Variants in GDF11 observed in about 807,000 individuals in gnomAD.
The protein encoded by GDF11 is growth differentiation factor 11.
Under a neutral mutation model 34.4 loss-of-function variants are expected in GDF11, and 12 were observed. The observed-to-expected ratio is 0.35, with a 90% CI of 0.22 to 0.57. The LOEUF is 0.57. GDF11 is among the 20% of genes least tolerant of loss of function. GDF11 has a pLI of 0.86. For missense variants in GDF11, 346 were observed against 548.2 expected (o/e 0.63, Z 3.68); for synonymous variants, 212 against 231.1 (o/e 0.92, Z 0.75).
chr12:55,755,692 T>C lies in GDF11; in HGVS notation c.*5810T>C, dbSNP rs1878485238. 6.6e-6 allele frequency: 1 copy of C among 152,058 alleles called. No homozygotes were observed. The allele number at this position is 152,058 out of a possible 1,614,324, so 9.4% of individuals were successfully genotyped here. A position where few individuals can be genotyped will look rare whatever the true frequency, so the allele number is the denominator to read the frequency against. ...TCAAAGAGTATGTGGAGAATGACTA[T>C]AATGAGATAGGAAGGGGAGGACTTC... On this transcript the variant is annotated 3_prime_UTR_variant, in exon 3 of 3. Coordinates refer to ENST00000257868, the MANE Select transcript of GDF11 (RefSeq NM_005811.5).
chr12:55,749,933 G>C lies in GDF11; in HGVS notation c.*51G>C. ...CACAGACCCTACCCCAAGACCCCTA[G>C]CCCTGCCCCCATCCCCCCAAGCCCT... On this transcript the variant is annotated 3_prime_UTR_variant, in exon 3 of 3. Coordinates refer to ENST00000257868, the MANE Select transcript of GDF11 (RefSeq NM_005811.5). This position sits in a 1 kb window ranked among gnomAD's most constrained non-coding sequence, Gnocchi z 5.6. The C allele has an allele frequency of 1.3e-6, 2 of 1,493,534 alleles. No individual in the cohort carries two copies. Among genetic ancestry groups the C allele is most frequent in the Non-Finnish European group, 1.8e-6 (2 of 1,094,936 alleles). 92.5% of individuals were successfully genotyped at this position (1,493,534 alleles called of 1,614,324 possible). A position where few individuals can be genotyped will look rare whatever the true frequency, so the allele number is the denominator to read the frequency against.
chr12:55,749,978 C>CCGCGAACATCA lies in GDF11; in HGVS notation c.*98_*108dup, dbSNP rs1878270433. On this transcript the variant is annotated 3_prime_UTR_variant, in exon 3 of 3. Coordinates refer to ENST00000257868, the MANE Select transcript of GDF11 (RefSeq NM_005811.5). This position sits in a 1 kb window ranked among gnomAD's most constrained non-coding sequence, Gnocchi z 5.6. ...AGCCCTAGAGCTCCCTCCACTCTTC[C>CCGCGAACATCA]CGCGAACATCACACCGTTCCCCGAC... 1 of 1,043,350 alleles carries CCGCGAACATCA rather than the reference C, an allele frequency of 9.6e-7. No homozygotes were observed. The highest frequency in any genetic ancestry group is 1.5e-5 in the South Asian group (1 of 66,186). 64.6% of individuals were successfully genotyped at this position (1,043,350 alleles called of 1,614,324 possible).
rs77827308 is a variant in GDF11, at chr12:55,749,720, G to A, written c.1062G>A (p.Pro354=). 29 of 1,613,902 alleles carry A rather than the reference G, an allele frequency of 1.8e-5. No individual in the cohort carries two copies. The highest frequency in any genetic ancestry group is 6.7e-5 in the Admixed American group (4 of 59,992). The change falls in exon 3 of 3, where the codon CCG becomes CCA. Residue 354 remains proline, a synonymous_variant. Transcript: ENST00000257868. The surrounding 1 kb of genome is among the most constrained non-coding windows in gnomAD (Gnocchi z 5.6). ...AGTACATGTTCATGCAAAAATATCCGCATACCCATTTGGTGCAGCAGGCCA... is the reference window on the plus strand; with the variant it reads ...AGTACATGTTCATGCAAAAATATCCACATACCCATTTGGTGCAGCAGGCCA... The part of the protein sequence containing the change: ...QCEYMFMQKY[P]HTHLVQQANP...
chr12:55,747,820 A>G (rs573108821), intron 1 of GDF11, among the ~76,000 whole-genome samples: 2 of 152,290 alleles, frequency 1.3e-5, no homozygotes, highest in Non-Finnish European at 2.9e-5. Flanking sequence ...GGTGTATTTA[A>G]TATTATTTCT....
Position 55,748,650 on chromosome 12 carries a change from G to A in GDF11, c.510G>A (p.Val170=), listed in dbSNP as rs1288988051. The A allele has an allele frequency of 6.2e-7, 1 of 1,614,226 alleles. No homozygotes were observed. Among genetic ancestry groups the A allele is most frequent in the Non-Finnish European group, 8.5e-7 (1 of 1,180,030 alleles). The change falls in exon 2 of 3, where the codon GTG becomes GTA. Residue 170 remains valine (V), a synonymous_variant. Coordinates refer to ENST00000257868, the MANE Select transcript of GDF11 (RefSeq NM_005811.5). This position sits in a 1 kb window ranked among gnomAD's most constrained non-coding sequence, Gnocchi z 5.6. ...GCCATTTTCACTTCAGCCCCAAGGT[G>A]ATGTTCACAAAGGTACTGAAGGCCC... The part of the protein sequence containing the change: ...LCCHFHFSPK[V]MFTKVLKAQL...
intron 1 of GDF11, among the ~76,000 whole-genome samples, chr12:55,746,572 A>C (rs1341894008): frequency 6.6e-6 from 1 of 152,118 alleles, no homozygotes; most frequent in Non-Finnish European, 1.5e-5. Flanking sequence ...TCCCCTGTCC[A>C]CTGGGACAAG....
intron 1 of GDF11, among the ~76,000 whole-genome samples, chr12:55,745,230 G>A (rs1878155681): frequency 1.3e-5 from 2 of 152,140 alleles, no homozygotes; most frequent in African/African-American, 4.8e-5. Flanking sequence ...AGAGGGAAAA[G>A]ATACTCTAGT....
rs1878477439 is a variant in GDF11, at chr12:55,755,464, G to A, written c.*5582G>A. ...TCCCTCATTAAGAGCTTCCAGGTAT[G>A]CAGAGAATGTCACAGCTTCAGGAAT... On this transcript the variant is annotated 3_prime_UTR_variant, in exon 3 of 3. Coordinates refer to ENST00000257868, the MANE Select transcript of GDF11 (RefSeq NM_005811.5). 1 of 152,202 alleles carries A rather than the reference G, an allele frequency of 6.6e-6. No individual in the cohort carries two copies. Among genetic ancestry groups the A allele is most frequent in the Non-Finnish European group, 1.5e-5 (1 of 68,048 alleles). 9.4% of individuals were successfully genotyped at this position (152,202 alleles called of 1,614,324 possible).
Position 55,753,243 on chromosome 12 carries a change from A to G in GDF11, c.*3361A>G, listed in dbSNP as rs1293627515. 1.3e-5 allele frequency: 2 copies of G among 152,232 alleles called. No individual in the cohort carries two copies. The highest frequency in any genetic ancestry group is 2.9e-5 in the Non-Finnish European group (2 of 68,048). The allele number at this position is 152,232 out of a possible 1,614,324, so 9.4% of individuals were successfully genotyped here. A position where few individuals can be genotyped will look rare whatever the true frequency, so the allele number is the denominator to read the frequency against. ...AAGGTTCTCTTGAGATGATCCAGCT[A>G]GTGTCCTATTCTCCTGCAGTCCCTG... On this transcript the variant is annotated 3_prime_UTR_variant, in exon 3 of 3. Coordinates refer to ENST00000257868, the MANE Select transcript of GDF11 (RefSeq NM_005811.5).
chr12:55,755,044 G>GATTT lies in GDF11; in HGVS notation c.*5163_*5164insTTTA, dbSNP rs1235299763. On this transcript the variant is annotated 3_prime_UTR_variant, in exon 3 of 3. Transcript: ENST00000257868. ...TGTAATTTTAAATCCCTTTGGAAGG[G>GATTT]AAAAACAAGAAAAGTCTAGATATGG... 2.6e-5 allele frequency: 4 copies of GATTT among 152,166 alleles called. No homozygotes were observed. The highest frequency in any genetic ancestry group is 9.7e-5 in the African/African-American group (4 of 41,430). The allele number at this position is 152,166 out of a possible 1,614,324, so 9.4% of individuals were successfully genotyped here.
At position 55,753,061 on chromosome 12, in the gene GDF11, G is replaced by A. The variant is rs1466617727; in HGVS notation, c.*3179G>A. On this transcript the variant is annotated 3_prime_UTR_variant, in exon 3 of 3. Transcript: ENST00000257868. ...TGGGACATGCAGGCCAAGGAAGGATGGAAAGAGGACAGGAAACTGGGGGTA... is the reference window on the plus strand; with the variant it reads ...TGGGACATGCAGGCCAAGGAAGGATAGAAAGAGGACAGGAAACTGGGGGTA... The A allele has an allele frequency of 6.6e-6, 1 of 152,154 alleles. No individual in the cohort carries two copies. Among genetic ancestry groups the A allele is most frequent in the Non-Finnish European group, 1.5e-5 (1 of 68,054 alleles). The allele number at this position is 152,154 out of a possible 1,614,324, so 9.4% of individuals were successfully genotyped here. A position where few individuals can be genotyped will look rare whatever the true frequency, so the allele number is the denominator to read the frequency against.
rs1878438374 is a variant in GDF11 at position 55,754,433 on chromosome 12, T to C, written c.*4551T>C. ...AGGCAGTGGCATCTACAGCTTCTGG[T>C]CTGTAGTGGCGTAGAAGCAGGAAAA... On this transcript the variant is annotated 3_prime_UTR_variant, in exon 3 of 3. Transcript: ENST00000257868. 2 of 152,168 alleles carry C rather than the reference T, an allele frequency of 1.3e-5. No homozygotes were observed. Among genetic ancestry groups the C allele is most frequent in the Admixed American group, 1.3e-4 (2 of 15,278 alleles). 9.4% of individuals were successfully genotyped at this position (152,168 alleles called of 1,614,324 possible).
At position 55,743,123 on chromosome 12, in the gene GDF11, GCCGCCCGCCCCGGCCGC is replaced by G. The variant is rs934777095; in HGVS notation, c.-181_-165del. On this transcript the variant is annotated 5_prime_UTR_variant, in exon 1 of 3. Coordinates refer to ENST00000257868, the MANE Select transcript of GDF11 (RefSeq NM_005811.5). ...CCTGGCCCGGGCTCGGGCCCCCCCA[GCCGCCCGCCCCGGCCGC>G]CCGCCCGCCCCGCCCGCGCGCCCGC... Among the ~76,000 whole-genome samples the G allele has an allele frequency of 4.5e-5, 5 of 112,218 alleles. No homozygotes were observed. The highest frequency in any genetic ancestry group is 9.0e-5 in the Admixed American group (1 of 11,092). The allele number at this position is 112,218 out of a possible 152,430, so 73.6% of individuals were successfully genotyped here.
intron 1 of GDF11, among the ~76,000 whole-genome samples, chr12:55,745,489 C>T (rs1878161664): frequency 1.3e-5 from 2 of 151,276 alleles, no homozygotes; most frequent in Non-Finnish European, 2.9e-5. Flanking sequence ...TCCCGTGCCA[C>T]CCCAGGACTT....
In GDF11 at chr12:55,752,178, G is replaced by A. The variant is rs1878342230; in HGVS notation, c.*2296G>A. The A allele has an allele frequency of 6.6e-6, 1 of 152,178 alleles. No homozygotes were observed. Among genetic ancestry groups the A allele is most frequent in the African/African-American group, 2.4e-5 (1 of 41,410 alleles). The allele number at this position is 152,178 out of a possible 1,614,324, so 9.4% of individuals were successfully genotyped here. A position where few individuals can be genotyped will look rare whatever the true frequency, so the allele number is the denominator to read the frequency against. The stretch of plus-strand genomic sequence containing the variant: ...ACCACTCACATTTCCTTGGTGGAAG[G>A]AAAGGAACAGAGAAGTGAAGAACAG... On this transcript the variant is annotated 3_prime_UTR_variant, in exon 3 of 3. Coordinates refer to ENST00000257868, the MANE Select transcript of GDF11 (RefSeq NM_005811.5).
chr12:55,752,059 A>G lies in GDF11; in HGVS notation c.*2177A>G, dbSNP rs1878337655. The G allele has an allele frequency of 6.6e-6, 1 of 152,172 alleles. No individual in the cohort carries two copies. Among genetic ancestry groups the G allele is most frequent in the African/African-American group, 2.4e-5 (1 of 41,418 alleles). 9.4% of individuals were successfully genotyped at this position (152,172 alleles called of 1,614,324 possible). On this transcript the variant is annotated 3_prime_UTR_variant, in exon 3 of 3. Transcript: ENST00000257868. ...GGCTCTTCAGCTTGCCTTCACCCAT[A>G]TAGCAGCTATGCTAACCCCAAGCCT... is the stretch of plus-strand genomic sequence containing the variant.
chr12:55,749,039 G>A lies in GDF11; in HGVS notation c.843+56G>A. 1 of 1,481,022 alleles carries A rather than the reference G, an allele frequency of 6.8e-7. No individual in the cohort carries two copies. The highest frequency in any genetic ancestry group is 9.0e-7 in the Non-Finnish European group (1 of 1,110,080). The allele number at this position is 1,481,022 out of a possible 1,614,324, so 91.7% of individuals were successfully genotyped here. A position where few individuals can be genotyped will look rare whatever the true frequency, so the allele number is the denominator to read the frequency against. On this transcript the variant is annotated intron_variant, in intron 2 of 2. Transcript: ENST00000257868. The surrounding 1 kb of genome is among the most constrained non-coding windows in gnomAD (Gnocchi z 5.6). ...TGTAACCTGGCCCTGAGGAGATAGGGTTACATTGGAAAAGGTAGACAAGGA... is the reference window on the plus strand; with the variant it reads ...TGTAACCTGGCCCTGAGGAGATAGGATTACATTGGAAAAGGTAGACAAGGA...
Position 55,755,130 on chromosome 12 carries a change from C to G in GDF11, c.*5248C>G, listed in dbSNP as rs1445820719. On this transcript the variant is annotated 3_prime_UTR_variant, in exon 3 of 3. Transcript: ENST00000257868. ...AATAATCAGAAATAAGTGGCATTGC[C>G]AGAGGCCCTCATATAAGAGAACAGC... The G allele has an allele frequency of 2.0e-5, 3 of 152,112 alleles. No homozygotes were observed. In the East Asian group the frequency reaches 5.8e-4, roughly 29 times the overall value. The allele number at this position is 152,112 out of a possible 1,614,324, so 9.4% of individuals were successfully genotyped here.
Position 55,754,852 on chromosome 12 carries a change from A to G in GDF11, c.*4970A>G, listed in dbSNP as rs1358073202. The G allele has an allele frequency of 6.6e-6, 1 of 152,250 alleles. No homozygotes were observed. Among genetic ancestry groups the G allele is most frequent in the African/African-American group, 2.4e-5 (1 of 41,464 alleles). 9.4% of individuals were successfully genotyped at this position (152,250 alleles called of 1,614,324 possible). On this transcript the variant is annotated 3_prime_UTR_variant, in exon 3 of 3. Transcript: ENST00000257868. ...AGGGTCTCAGAGCTAGTGTGGTAGA[A>G]TAAGAAATTAAACCTAAGTAGTTGC...
Sources: gnomAD v4.1 joint callset for allele counts (sites outside exome capture counted in the v4.1 genomes callset) on GRCh38, gnomAD v4.1.1 for gene constraint, Gnocchi (gnomAD v3.1) non-coding constraint, MANE v1.5 for transcripts, NCBI Gene and HGNC (gene_info 2026-07-23, HGNC 2026-07-21) for gene names.